The following ECPAS variants were observed in gnomAD, a reference collection of about 807,000 sequenced individuals.
The protein encoded by ECPAS is proteasome adapter and scaffold protein ECM29.
A neutral mutation model predicts 255.1 loss-of-function variants in ECPAS; 70 were observed. The ratio of observed to expected loss-of-function variants is 0.27; its 90% confidence interval spans 0.23 to 0.33. The LOEUF (loss-of-function observed/expected upper bound fraction) is 0.33. Among genes scored for constraint, ECPAS ranks in the 10% least tolerant of loss-of-function variants. The pLI, the probability that ECPAS is intolerant of heterozygous loss-of-function variation, is 1.00. For missense variants in ECPAS, 1,817 were observed against 2,206.4 expected (o/e 0.82, Z 3.54); for synonymous variants, 784 against 775.0 (o/e 1.01, Z -0.19).
intron 21 of ECPAS, 123 bp downstream of exon 21, chr9:111,411,890 TG>T: frequency 1.2e-6 from 1 of 830,434 alleles, no homozygotes; most frequent in Non-Finnish European, 1.8e-6. Context: ...TTACTCTTTA[TG>T]GTCATAAAAG....
chr9:111,402,331 G>A (rs2098177438), intron 24 of ECPAS, among the ~76,000 whole-genome samples: 1 of 152,118 alleles, frequency 6.6e-6, no homozygotes, highest in Admixed American at 6.5e-5. Context: ...ACCACCAGAT[G>A]TGTCTTACAA....
At chr9:111,427,602 T>C (rs1383098847) in intron 10 of ECPAS, among the ~76,000 whole-genome samples, 1 of 152,212 alleles carries the variant, frequency 6.6e-6, no homozygotes, top group Non-Finnish European at 1.5e-5. Context: ...TAAAGAGATA[T>C]CCTGGGGATG....
At chr9:111,431,123 G>A (rs1325174058) in intron 8 of ECPAS, among the ~76,000 whole-genome samples, 4 of 152,174 alleles carry the variant, frequency 2.6e-5, no homozygotes, top group African/African-American at 4.8e-5. Context: ...TTTCTCTAAC[G>A]TCACTGTGAT....
intron 35 of ECPAS, among the ~76,000 whole-genome samples, chr9:111,381,588 C>A (rs977474826): frequency 3.9e-5 from 6 of 152,214 alleles, no homozygotes; most frequent in Non-Finnish European, 1.5e-5. Context: ...GTGTGCACAA[C>A]CATGAAATCA....
intron 2 of ECPAS, among the ~76,000 whole-genome samples, chr9:111,457,120 G>C (rs2098267891): frequency 6.6e-6 from 1 of 152,116 alleles, no homozygotes; most frequent in South Asian, 2.1e-4. Context: ...AAAGAATCCA[G>C]TTAATTCAGC....
Position 111,440,410 on chromosome 9 carries a change from A to C in ECPAS, c.501T>G (p.Leu167=). 6.2e-7 allele frequency: 1 copy of C among 1,613,454 alleles called. No individual in the cohort carries two copies. Among genetic ancestry groups the C allele is most frequent in the Non-Finnish European group, 8.5e-7 (1 of 1,179,508 alleles). ...GAAGGACATCTAGCATGAAGTCCAA[A>C]AGCAGCTGCACAGTCTTTGGTTTCT... ...LAEKPKTVQL[L]LDFMLDVLLM... is the part of the protein sequence containing the mutation. The change falls in exon 6 of 50, where the codon CTT becomes CTG. Residue 167 remains leucine (L), a synonymous_variant. Coordinates refer to ENST00000684092, the MANE Select transcript of ECPAS (RefSeq NM_001364929.1).
At chr9:111,397,903 T>C (rs555630060) in intron 24 of ECPAS, among the ~76,000 whole-genome samples, 65 of 152,190 alleles carry the variant, frequency 4.3e-4, no homozygotes, top group Non-Finnish European at 3.1e-4. Context: ...AGTCAAACAT[T>C]AGAAAATTCT....
At chr9:111,362,403 T>G (rs1288332215) in intron 49 of ECPAS, among the ~76,000 whole-genome samples, 2 of 152,196 alleles carry the variant, frequency 1.3e-5, no homozygotes, top group East Asian at 3.9e-4. Context: ...TCAGGGAGTT[T>G]CCTCTCCTTC....
chr9:111,367,844 T>C (rs1341494781), intron 46 of ECPAS, among the ~76,000 whole-genome samples: 1 of 151,902 alleles, frequency 6.6e-6, no homozygotes, highest in Admixed American at 6.6e-5. Context: ...GCCCAGGAGT[T>C]TGAGACCAAC....
At chr9:111,375,647 C>T (rs2098132563) in intron 37 of ECPAS, among the ~76,000 whole-genome samples, 1 of 152,060 alleles carries the variant, frequency 6.6e-6, no homozygotes, top group Admixed American at 6.6e-5. Context: ...ATGCAATTAA[C>T]ATGTTTTCTA....
rs1048197386 is a variant in ECPAS at position 111,425,791 on chromosome 9, G to T, written c.1088C>A (p.Ser363Ter). The T allele has an allele frequency of 6.3e-7, 1 of 1,587,714 alleles. No individual in the cohort carries two copies. Among genetic ancestry groups the T allele is most frequent in the Non-Finnish European group, 8.6e-7 (1 of 1,159,402 alleles). The change falls in exon 11 of 50, where the codon TCA (serine) becomes TAA (stop). Residue 363 changes from serine (S) to a stop codon, truncating the protein, a stop_gained. Transcript: ENST00000684092. LOFTEE classifies it high-confidence loss of function. ...TTGCAGGGATAATGTTCTTAACTTT[G>T]AATTTGTATTTGTACCAAAAAGTCC... The part of the protein sequence containing the change: ...YDGLFGTNTN[S>*]KLRTLSLQFV...
At chr9:111,433,681 T>A (rs1176445856) in intron 7 of ECPAS, among the ~76,000 whole-genome samples, 2 of 152,120 alleles carry the variant, frequency 1.3e-5, no homozygotes, top group African/African-American at 4.8e-5. Flanking sequence ...CCTCTCTGAC[T>A]CCAAAATTAT....
chr9:111,408,532 T>C, intron 24 of ECPAS, 39 bp downstream of exon 24: 1 of 1,303,398 alleles, frequency 7.7e-7, no homozygotes. Context: ...CCAATGCCTT[T>C]TCTCTGAATA....
chr9:111,390,045 G>A lies in ECPAS; in HGVS notation c.3218C>T (p.Pro1073Leu), dbSNP rs1400601726. ...ATTCATAAATTTATACACCAGATCTGGCTGGCTAAGATCACTTGCCAGAGA... is the reference window on the plus strand; with the variant it reads ...ATTCATAAATTTATACACCAGATCTAGCTGGCTAAGATCACTTGCCAGAGA... ...LCSLASDLSQPDLVYKFMNLA... is the reference protein window; with the variant it reads ...LCSLASDLSQLDLVYKFMNLA... The change falls in exon 30 of 50, where the codon CCA becomes CTA. Residue 1073 changes from proline (P) to leucine (L), a missense_variant. By Grantham distance (98) the Pro-to-Leu change is moderately conservative (BLOSUM62 -3). Coordinates refer to ENST00000684092, the MANE Select transcript of ECPAS (RefSeq NM_001364929.1). The A allele has an allele frequency of 6.2e-7, 1 of 1,602,196 alleles. No individual in the cohort carries two copies. The highest frequency in any genetic ancestry group is 1.3e-5 in the African/African-American group (1 of 74,926).
intron 33 of ECPAS, 91 bp downstream of exon 33, chr9:111,385,246 G>T: frequency 1.4e-6 from 1 of 708,744 alleles, no homozygotes; most frequent in South Asian, 2.1e-5. Context: ...AAATTATCTG[G>T]AAATGGAATT....
intron 24 of ECPAS, among the ~76,000 whole-genome samples, chr9:111,398,991 C>A (rs1382501558): frequency 1.3e-5 from 2 of 151,870 alleles, no homozygotes; most frequent in Non-Finnish European, 2.9e-5. Context: ...ACTAGTGTGG[C>A]TATAGTCAAT....
At position 111,410,120 on chromosome 9, in the gene ECPAS, C is replaced by G. The variant is rs774453820; in HGVS notation, c.2471G>C (p.Ser824Thr). The G allele has an allele frequency of 1.2e-6, 2 of 1,609,328 alleles. No individual in the cohort carries two copies. The highest frequency in any genetic ancestry group is 2.7e-5 in the African/African-American group (2 of 74,876). The change falls in exon 23 of 50, where the codon AGT (serine) becomes ACT (threonine). Residue 824 changes from serine to threonine, a missense_variant. By Grantham distance (58) the Ser-to-Thr change is moderately conservative (BLOSUM62 1). This residue lies in a region of ECPAS where 194 missense variants were observed against 152.8 expected (regional missense o/e 1.27). Transcript: ENST00000684092. Reference protein sequence around the residue: ...IGRNGPLPIPSEGSGFTKLHL... With the variant: ...IGRNGPLPIPTEGSGFTKLHL... ...CAATTTGGTAAAGCCAGATCCCTCA[C>G]TGGGGATTGGAAGTGGACCATTTCT...
chr9:111,411,849 G>A (rs1246156984), intron 21 of ECPAS, 165 bp downstream of exon 21: 11 of 570,356 alleles, frequency 1.9e-5, no homozygotes, highest in Non-Finnish European at 3.2e-5. Context: ...TGTTAAGTGA[G>A]CTGACTGAAC....
At chr9:111,413,257 T>G (rs776234479) in intron 20 of ECPAS, among the ~76,000 whole-genome samples, 8 of 152,216 alleles carry the variant, frequency 5.3e-5, no homozygotes, top group Non-Finnish European at 8.8e-5. Flanking sequence ...GTACTCTAAA[T>G]GACCATCTAT....
Sources: gnomAD v4.1 joint callset for allele counts (sites outside exome capture counted in the v4.1 genomes callset) on GRCh38, gnomAD v4.1.1 for gene constraint, gnomAD v4.1.1 regional missense constraint, MANE v1.5 for transcripts, NCBI Gene and HGNC (gene_info 2026-07-23, HGNC 2026-07-21) for gene names.